CRPPA: variants seen among roughly 807,000 people sequenced by gnomAD.
The protein encoded by CRPPA is D-ribitol-5-phosphate cytidylyltransferase.
CRPPA carries 43 observed loss-of-function variants against 52.0 expected under a neutral mutation model. That is an observed-to-expected ratio of 0.83 (90% CI 0.65 to 1.07). The LOEUF (loss-of-function observed/expected upper bound fraction) is 1.07. Ranked by LOEUF, CRPPA falls within the 50% of genes least tolerant of loss-of-function variation. CRPPA has a pLI of 0.00. For synonymous variants in CRPPA, 250 were observed against 203.5 expected (o/e 1.23, Z -1.94); for missense variants, 629 against 551.7 (o/e 1.14, Z -1.40).
chr7:16,222,144 T>C (rs1475264641), intron 8 of CRPPA, among the ~76,000 whole-genome samples: 1 of 151,754 alleles, frequency 6.6e-6, no homozygotes, highest in Non-Finnish European at 1.5e-5. Context: ...ATGTCCTTTG[T>C]AGGGGCATAG....
At chr7:16,324,418 T>A (rs1370633439) in intron 3 of CRPPA, among the ~76,000 whole-genome samples, 1 of 152,242 alleles carries the variant, frequency 6.6e-6, no homozygotes, top group Non-Finnish European at 1.5e-5. Context: ...CACAGCCTAA[T>A]GAACCAGTTT....
intron 8 of CRPPA, among the ~76,000 whole-genome samples, chr7:16,257,564 CA>C (rs1562590863): frequency 6.6e-6 from 1 of 152,086 alleles, no homozygotes. Context: ...TTGCATTACT[CA>C]GTCAAGAGTT....
At chr7:16,399,247 G>T (rs571618189) in intron 2 of CRPPA, among the ~76,000 whole-genome samples, 50 of 152,206 alleles carry the variant, frequency 3.3e-4, no homozygotes, top group African/African-American at 1.1e-3. Context: ...GGATTGAATC[G>T]CACAGGTCCA....
chr7:16,116,830 G>C (rs777932884), intron 9 of CRPPA, among the ~76,000 whole-genome samples: 2 of 152,096 alleles, frequency 1.3e-5, no homozygotes, highest in Non-Finnish European at 2.9e-5. Context: ...AGAGGAACAA[G>C]AACAAAACAT....
At chr7:16,164,602 C>A (rs62440371) in intron 9 of CRPPA, among the ~76,000 whole-genome samples, 45,492 of 151,818 alleles carry the variant, frequency 0.3, 8,174 homozygotes, top group Admixed American at 0.4. Context: ...GGTTTTCGGA[C>A]TTTTCAGCCT....
intron 3 of CRPPA, among the ~76,000 whole-genome samples, chr7:16,353,596 T>A (rs897465850): frequency 3.3e-5 from 5 of 152,192 alleles, no homozygotes; most frequent in African/African-American, 1.2e-4. Context: ...ACGCCTGTAA[T>A]CCTAGCAATT....
At chr7:16,251,175 A>T (rs563555975) in intron 8 of CRPPA, among the ~76,000 whole-genome samples, 1 of 152,340 alleles carries the variant, frequency 6.6e-6, no homozygotes, top group African/African-American at 2.4e-5. Context: ...AAGAAGAGCT[A>T]ACTATCCTAA....
chr7:16,251,717 T>C (rs553897582), intron 8 of CRPPA, among the ~76,000 whole-genome samples: 24 of 152,004 alleles, frequency 1.6e-4, no homozygotes, highest in Non-Finnish European at 3.2e-4. Flanking sequence ...CTCTGGGACA[T>C]ATTTAAAGCA....
intron 9 of CRPPA, among the ~76,000 whole-genome samples, chr7:16,113,482 G>A (rs1284749434): frequency 2.0e-5 from 3 of 151,594 alleles, no homozygotes; most frequent in Non-Finnish European, 4.4e-5. Flanking sequence ...ATTTCAAGGT[G>A]GATTAAAAAA....
chr7:16,335,760 C>T (rs935884289), intron 3 of CRPPA, among the ~76,000 whole-genome samples: 3 of 152,118 alleles, frequency 2.0e-5, no homozygotes, highest in African/African-American at 7.2e-5. Context: ...AAGACAACAA[C>T]CATATACAGG....
At chr7:16,339,442 A>C (rs749593345) in intron 3 of CRPPA, among the ~76,000 whole-genome samples, 1 of 152,182 alleles carries the variant, frequency 6.6e-6, no homozygotes, top group Non-Finnish European at 1.5e-5. Context: ...AAGGAGAAAA[A>C]AAATCACATG....
intron 5 of CRPPA, among the ~76,000 whole-genome samples, chr7:16,284,552 G>A (rs1784384074): frequency 6.6e-6 from 1 of 151,928 alleles, no homozygotes; most frequent in Non-Finnish European, 1.5e-5. Flanking sequence ...TAATATTTCA[G>A]GGTTTGGTAA....
chr7:16,397,689 G>A (rs1297354652), intron 2 of CRPPA, among the ~76,000 whole-genome samples: 1 of 152,204 alleles, frequency 6.6e-6, no homozygotes, highest in Admixed American at 6.5e-5. Flanking sequence ...ACACGTGACT[G>A]ACACGTGATA....
intron 3 of CRPPA, among the ~76,000 whole-genome samples, chr7:16,346,842 C>T (rs145379676): frequency 1.3e-5 from 2 of 152,054 alleles, no homozygotes; most frequent in Non-Finnish European, 2.9e-5. Flanking sequence ...ACCTCACCAA[C>T]GTAGCTACCT....
At chr7:16,239,899 C>T (rs889884419) in intron 8 of CRPPA, among the ~76,000 whole-genome samples, 3 of 152,166 alleles carry the variant, frequency 2.0e-5, no homozygotes, top group East Asian at 1.9e-4. Context: ...AGACAAAGTC[C>T]TCTGGAATTC....
Position 16,371,738 on chromosome 7 carries a change from A to T in CRPPA, c.684+4354T>A, listed in dbSNP as rs145158014. Reference sequence around the variant, plus strand: ...AATCTCTGAAATGCCAGATATAAGAATTCAGAAAGTTGATTATTAAGCTAT... The same window carrying T: ...AATCTCTGAAATGCCAGATATAAGATTTCAGAAAGTTGATTATTAAGCTAT... On this transcript the variant is annotated intron_variant, in intron 3 of 9. Transcript: ENST00000407010. Among the ~76,000 whole-genome samples, 227 of 152,192 alleles carry T rather than the reference A, an allele frequency of 1.5e-3. 2 individuals are homozygous for T. In the East Asian group the frequency reaches 0.038, roughly 25 times the overall value.
In CRPPA at chr7:16,159,758, C is replaced by T. The variant is rs1167436844; in HGVS notation, c.1251+56308G>A. Among the ~76,000 whole-genome samples the T allele has an allele frequency of 3.9e-5, 6 of 152,108 alleles. No individual in the cohort carries two copies. The South Asian group carries it at 1.2e-3, about 32-fold the overall frequency. Reference sequence around the variant, plus strand: ...ATTGCTGGGTCAAATGCTATTTCTACTTTTAGATCCTTGAGGAATCGCCAC... The same window carrying T: ...ATTGCTGGGTCAAATGCTATTTCTATTTTTAGATCCTTGAGGAATCGCCAC... On this transcript the variant is annotated intron_variant, in intron 9 of 9. Coordinates refer to ENST00000407010, the MANE Select transcript of CRPPA (RefSeq NM_001101426.4).
At chr7:16,319,034 C>T (rs1562628670) in intron 3 of CRPPA, among the ~76,000 whole-genome samples, 1 of 152,158 alleles carries the variant, frequency 6.6e-6, no homozygotes, top group Non-Finnish European at 1.5e-5. Context: ...CCTAACACTT[C>T]CCATTCCCCA....
chr7:16,113,937 C>T (rs1297531203), intron 9 of CRPPA, among the ~76,000 whole-genome samples: 1 of 151,706 alleles, frequency 6.6e-6, no homozygotes, highest in Non-Finnish European at 1.5e-5. Context: ...ACACAGTAGT[C>T]TCTAGAAAAT....
Sources: allele counts gnomAD v4.1 joint callset (sites outside exome capture counted in the v4.1 genomes callset), GRCh38; gene constraint gnomAD v4.1.1; transcripts MANE v1.5; gene names NCBI Gene and HGNC (gene_info 2026-07-23, HGNC 2026-07-21).